GAN: variants seen among roughly 807,000 people sequenced by gnomAD.
The protein encoded by GAN is gigaxonin, also known as epididymis secretory sperm binding protein.
GAN carries 48 observed loss-of-function variants against 71.3 expected under a neutral mutation model. That is an observed-to-expected ratio of 0.67 (90% CI 0.53 to 0.86). The LOEUF is 0.86. GAN is among the 40% of genes least tolerant of loss of function. The probability of loss-of-function intolerance (pLI) is 0.00; values close to 1 mark genes in which losing one functional copy is unlikely to be tolerated. For synonymous variants in GAN, 386 were observed against 276.8 expected, an observed-to-expected ratio of 1.39 and a Z score of -3.92; for missense variants, 928 against 770.1, an observed-to-expected ratio of 1.21 and a Z score of -2.43.
intron 1 of GAN, among the ~76,000 whole-genome samples, chr16:81,324,400 G>A (rs1363008915): frequency 6.6e-6 from 1 of 152,102 alleles, no homozygotes; most frequent in Non-Finnish European, 1.5e-5. Context: ...GCTCCGAGGT[G>A]GTGCCATTGA....
At position 81,377,686 on chromosome 16, in the gene GAN, C is replaced by T. The variant is rs559578664; in HGVS notation, c.*90C>T. 7.9e-5 allele frequency: 90 copies of T among 1,142,268 alleles called. No homozygotes were observed. The African/African-American group carries it at 1.3e-3, about 16-fold the overall frequency. 70.8% of individuals were successfully genotyped at this position (1,142,268 alleles called of 1,614,324 possible). On this transcript the variant is annotated 3_prime_UTR_variant, in exon 11 of 11. Transcript: ENST00000648994. The stretch of plus-strand genomic sequence containing the variant: ...GAGCAGAGATGGCAGCTGAAACTCA[C>T]TCTGTGCTGGGCTTTGGTATGGTAA...
chr16:81,362,397 G>C (rs933458455), intron 5 of GAN, 102 bp from the exon 6 acceptor site: 4 of 737,866 alleles, frequency 5.4e-6, no homozygotes, highest in African/African-American at 3.5e-5. Flanking sequence ...GAACATTGTT[G>C]TCATCAGAGA....
intron 6 of GAN, among the ~76,000 whole-genome samples, chr16:81,362,881 C>A (rs773930428): frequency 3.3e-5 from 5 of 152,196 alleles, no homozygotes; most frequent in Non-Finnish European, 7.4e-5. Context: ...GTGGCCTGCC[C>A]CCTCCTCGCA....
At chr16:81,328,799 A>G (rs1909475297) in intron 1 of GAN, among the ~76,000 whole-genome samples, 1 of 152,228 alleles carries the variant, frequency 6.6e-6, no homozygotes, top group Non-Finnish European at 1.5e-5. Context: ...AAAAATATTC[A>G]GAGCAGGGAT....
chr16:81,348,602 C>G lies in GAN; in HGVS notation c.168-2981C>G, dbSNP rs78295331. On this transcript the variant is annotated intron_variant, in intron 1 of 10. Transcript: ENST00000648994. ...CATCTCCAAATGCTGGGGGCCCTGT[C>G]CAGCCATGAGCCTACAGGCCGCCTC... Among the ~76,000 whole-genome samples the G allele has an allele frequency of 6.5e-4, 99 of 152,330 alleles. 1 individual carries two copies. The highest frequency in any genetic ancestry group is 3.7e-3 in the South Asian group (18 of 4,824).
At chr16:81,346,562 G>C (rs895838652) in intron 1 of GAN, among the ~76,000 whole-genome samples, 2 of 152,204 alleles carry the variant, frequency 1.3e-5, no homozygotes, top group Admixed American at 1.3e-4. Flanking sequence ...CATGTTCCTT[G>C]TGAGAATCTA....
intron 9 of GAN, among the ~76,000 whole-genome samples, chr16:81,368,112 C>T (rs965153263): frequency 6.6e-6 from 1 of 152,192 alleles, no homozygotes; most frequent in African/African-American, 2.4e-5. Flanking sequence ...GGGAAAAAAG[C>T]CATATCTTAT....
At chr16:81,369,244 G>A (rs1363648678) in intron 9 of GAN, among the ~76,000 whole-genome samples, 1 of 152,154 alleles carries the variant, frequency 6.6e-6, no homozygotes, top group African/African-American at 2.4e-5. Flanking sequence ...CACATGGATT[G>A]GGAGCCACCA....
intron 1 of GAN, among the ~76,000 whole-genome samples, chr16:81,319,041 C>T (rs938830678): frequency 1.7e-4 from 26 of 152,042 alleles, no homozygotes; most frequent in South Asian, 8.3e-4. Context: ...ACAGGCTGGG[C>T]GCAGTGGCTC....
intron 1 of GAN, among the ~76,000 whole-genome samples, chr16:81,315,938 G>C (rs1015314248): frequency 6.6e-6 from 1 of 152,268 alleles, no homozygotes; most frequent in East Asian, 1.9e-4. Flanking sequence ...TCTGGTAACT[G>C]TTTAAAAGAG....
chr16:81,350,471 A>G (rs1357310973), intron 1 of GAN, among the ~76,000 whole-genome samples: 1 of 152,066 alleles, frequency 6.6e-6, no homozygotes, highest in African/African-American at 2.4e-5. Flanking sequence ...TACTCCCAGG[A>G]GTAGACCCAA....
chr16:81,329,670 T>G (rs1187782335), intron 1 of GAN, among the ~76,000 whole-genome samples: 1 of 152,216 alleles, frequency 6.6e-6, no homozygotes, highest in Non-Finnish European at 1.5e-5. Context: ...GTTGATATAT[T>G]TTGTTGATAC....
At position 81,314,991 on chromosome 16, in the gene GAN, A is replaced by G. The variant is rs1908973223; in HGVS notation, c.-123A>G. The G allele has an allele frequency of 8.5e-6, 7 of 826,528 alleles. No homozygotes were observed. The highest frequency in any genetic ancestry group is 5.7e-5 in the South Asian group (2 of 35,196). The allele number at this position is 826,528 out of a possible 1,614,324, so 51.2% of individuals were successfully genotyped here. ...AGCACAGGCACGTCCCGGGGGCTCC[A>G]GCTTCTGCTCAGAGCGCGGAGAGCC... On this transcript the variant is annotated 5_prime_UTR_variant, in exon 1 of 11. Transcript: ENST00000648994.
chr16:81,339,321 C>T lies in GAN; in HGVS notation c.168-12262C>T, dbSNP rs375309135. Among the ~76,000 whole-genome samples the T allele has an allele frequency of 4.6e-5, 7 of 152,284 alleles. No homozygotes were observed. The South Asian group carries it at 1.0e-3, about 23-fold the overall frequency. Reference sequence around the variant, plus strand: ...AAGCACTGGGCCTTAATCCTTTCAGCGTTGTACAGATACAGTTATTAAACG... The same window carrying T: ...AAGCACTGGGCCTTAATCCTTTCAGTGTTGTACAGATACAGTTATTAAACG... On this transcript the variant is annotated intron_variant, in intron 1 of 10. Transcript: ENST00000648994.
Position 81,386,603 on chromosome 16 carries a change from GA to G in GAN, c.*9008del, listed in dbSNP as rs1308864775. The G allele has an allele frequency of 1.3e-5, 2 of 152,222 alleles. No individual in the cohort carries two copies. The highest frequency in any genetic ancestry group is 2.9e-5 in the Non-Finnish European group (2 of 68,052). 9.4% of individuals were successfully genotyped at this position (152,222 alleles called of 1,614,324 possible). On this transcript the variant is annotated 3_prime_UTR_variant, in exon 11 of 11. Transcript: ENST00000648994. ...GTATATAATGTGCTCAGCTTGTCTT[GA>G]TTTCAATAAGACATTTGATAAAGTC...
chr16:81,321,218 G>C (rs932105010), intron 1 of GAN, among the ~76,000 whole-genome samples: 7 of 152,166 alleles, frequency 4.6e-5, no homozygotes, highest in African/African-American at 1.7e-4. Context: ...CAAAATTCTT[G>C]TTAGACTAGT....
chr16:81,343,835 T>C (rs141948063), intron 1 of GAN, among the ~76,000 whole-genome samples: 53 of 152,308 alleles, frequency 3.5e-4, no homozygotes, highest in African/African-American at 1.3e-3. Context: ...ATTGTCTCTG[T>C]TTGCAGATGA....
chr16:81,341,907 C>T (rs1439020741), intron 1 of GAN, among the ~76,000 whole-genome samples: 3 of 152,142 alleles, frequency 2.0e-5, no homozygotes, highest in Non-Finnish European at 4.4e-5. Flanking sequence ...TGCAAAGACA[C>T]ACATAGGCTC....
Position 81,336,942 on chromosome 16 carries a change from A to G in GAN, c.168-14641A>G, listed in dbSNP as rs559812410. On this transcript the variant is annotated intron_variant, in intron 1 of 10. Transcript: ENST00000648994. ...ATTCCTGAACCTACATTGGCACATCATTGTCACTCAAAGATTGTAGTTGAC... is the reference window on the plus strand; with the variant it reads ...ATTCCTGAACCTACATTGGCACATCGTTGTCACTCAAAGATTGTAGTTGAC... 1.7e-4 allele frequency among the ~76,000 whole-genome samples: 26 copies of G among 151,494 alleles called. No individual in the cohort carries two copies. The South Asian group carries it at 3.8e-3, about 22-fold the overall frequency.
Sources: allele counts gnomAD v4.1 joint callset (sites outside exome capture counted in the v4.1 genomes callset), GRCh38; gene constraint gnomAD v4.1.1; transcripts MANE v1.5; gene names NCBI Gene and HGNC (gene_info 2026-07-23, HGNC 2026-07-21).